The following MIDEAS variants were observed in gnomAD, a reference collection of about 807,000 sequenced individuals.
MIDEAS encodes the protein mitotic deacetylase-associated SANT domain protein.
A neutral mutation model predicts 102.7 loss-of-function variants in MIDEAS; 26 were observed. That is an observed-to-expected ratio of 0.25 (90% CI 0.19 to 0.35). The LOEUF (loss-of-function observed/expected upper bound fraction) is 0.35, where lower values mean the gene tolerates loss of function less well. Among genes scored for constraint, MIDEAS ranks in the 10% least tolerant of loss-of-function variants. The pLI is 1.00. For synonymous variants in MIDEAS, 585 were observed against 591.0 expected, an observed-to-expected ratio of 0.99 and a Z score of 0.15; for missense variants, 1,231 against 1,435.6, an observed-to-expected ratio of 0.86 and a Z score of 2.30.
At position 73,725,117 on chromosome 14, in the gene MIDEAS, C is replaced by T. The variant is rs535824210; in HGVS notation, c.2574+155G>A. ...CAAAAGGGAAAAGAGACCTATCTTTCTCTTTCTTGTATTGTTTAGGAAATT... is the reference window on the plus strand; with the variant it reads ...CAAAAGGGAAAAGAGACCTATCTTTTTCTTTCTTGTATTGTTTAGGAAATT... On this transcript the variant is annotated intron_variant, in intron 9 of 12. Transcript: ENST00000423556. This position sits in a 1 kb window ranked among gnomAD's most constrained non-coding sequence, Gnocchi z 4.1. 3.4e-5 allele frequency: 22 copies of T among 654,494 alleles called. No individual in the cohort carries two copies. The highest frequency in any genetic ancestry group is 7.8e-4 in the Middle Eastern group (2 of 2,552). The allele number at this position is 654,494 out of a possible 1,614,324, so 40.5% of individuals were successfully genotyped here. A position where few individuals can be genotyped will look rare whatever the true frequency, so the allele number is the denominator to read the frequency against.
At chr14:73,719,223 C>CCCCCGGCCCG in intron 12 of MIDEAS, 82 bp downstream of exon 12, 3 of 1,205,172 alleles carry the variant, frequency 2.5e-6, no homozygotes, top group Non-Finnish European at 3.4e-6. Flanking sequence ...TGTACCTCTT[C>CCCCCGGCCCG]CCCCTCCCCT....
At chr14:73,789,638 CT>C (rs2053850278), upstream of MIDEAS, among the ~76,000 whole-genome samples, 1 of 152,248 alleles carries the variant, frequency 6.6e-6, no homozygotes, top group African/African-American at 2.4e-5. Flanking sequence ...CCTGCACAGC[CT>C]TCCTGATAGA....
rs2053523549 is a variant in MIDEAS at position 73,759,102 on chromosome 14, C to G, written c.-248+661G>C. Among the ~76,000 whole-genome samples, 1 of 151,988 alleles carries G rather than the reference C, an allele frequency of 6.6e-6. No individual in the cohort carries two copies. The highest frequency in any genetic ancestry group is 2.4e-5 in the African/African-American group (1 of 41,402). On this transcript the variant is annotated intron_variant, in intron 1 of 12. Transcript: ENST00000423556. The surrounding 1 kb of genome is among the most constrained non-coding windows in gnomAD (Gnocchi z 6.7). ...GGGGGCGCGCGGGAGGATGACAGGT[C>G]TGAGGTGCGCCCGCCCGCGCGAAGC...
intron 1 of MIDEAS, among the ~76,000 whole-genome samples, chr14:73,768,909 G>A (rs538278377): frequency 7.5e-4 from 114 of 152,328 alleles, no homozygotes; most frequent in African/African-American, 2.6e-3. Flanking sequence ...AGGGAGGGTT[G>A]CTTAGGTGGG....
chr14:73,762,568 G>T (rs184270997), upstream of MIDEAS, among the ~76,000 whole-genome samples: 120 of 152,330 alleles, frequency 7.9e-4, no homozygotes, highest in African/African-American at 2.8e-3. Context: ...TCAAAAAGGC[G>T]GGCAGATGAG....
chr14:73,774,035 A>G (rs950671306), intron 1 of MIDEAS, among the ~76,000 whole-genome samples: 2 of 151,568 alleles, frequency 1.3e-5, no homozygotes, highest in South Asian at 2.1e-4. Flanking sequence ...AAAAAAAAAA[A>G]AAAGAAAAAA....
chr14:73,735,692 G>C (rs2053191273), intron 3 of MIDEAS, among the ~76,000 whole-genome samples: 1 of 152,204 alleles, frequency 6.6e-6, no homozygotes, highest in African/African-American at 2.4e-5. Context: ...CAAGATATCA[G>C]ACAAACCTGA....
At chr14:73,720,454 G>T (rs12590135) in intron 11 of MIDEAS, among the ~76,000 whole-genome samples, 8,464 of 151,946 alleles carry the variant, frequency 0.056, 228 homozygotes, top group East Asian at 0.13. Context: ...CACCTTGTTG[G>T]CCAGGCTGGT....
chr14:73,733,701 C>T (rs1458967611), intron 3 of MIDEAS, among the ~76,000 whole-genome samples: 1 of 152,170 alleles, frequency 6.6e-6, no homozygotes, highest in Non-Finnish European at 1.5e-5. Context: ...ATGTTTTCTT[C>T]TGTTTTTGTT....
chr14:73,754,414 T>C (rs2053456994), intron 1 of MIDEAS, among the ~76,000 whole-genome samples: 1 of 152,256 alleles, frequency 6.6e-6, no homozygotes, highest in African/African-American at 2.4e-5. Context: ...AGCTGAGGAC[T>C]GAGCCACACC....
upstream of MIDEAS, among the ~76,000 whole-genome samples, chr14:73,762,277 G>A (rs896541612): frequency 2.0e-5 from 3 of 152,190 alleles, no homozygotes; most frequent in Non-Finnish European, 4.4e-5. Context: ...CTGCCATCAT[G>A]GAGCCAGGGC....
intron 1 of MIDEAS, among the ~76,000 whole-genome samples, chr14:73,774,198 C>A (rs1304396535): frequency 6.6e-6 from 1 of 151,764 alleles, no homozygotes; most frequent in Non-Finnish European, 1.5e-5. Flanking sequence ...GCCTGCCAGG[C>A]TCCATTCACA....
intron 7 of MIDEAS, among the ~76,000 whole-genome samples, 159 bp from the exon 8 acceptor site, chr14:73,726,267 G>C (rs889914527): frequency 2.7e-5 from 3 of 111,590 alleles, no homozygotes; most frequent in African/African-American, 8.1e-5. Context: ...GAGATCACAG[G>C]GGGTGGGGCT....
intron 12 of MIDEAS, 78 bp downstream of exon 12, chr14:73,719,227 C>CGGGCCG: frequency 6.8e-7 from 1 of 1,469,014 alleles, no homozygotes; most frequent in Non-Finnish European, 9.0e-7. Flanking sequence ...CCTCTTCCCC[C>CGGGCCG]TCCCCTCCAC....
chr14:73,721,470 C>T lies in MIDEAS; in HGVS notation c.2764G>A (p.Glu922Lys), dbSNP rs2052991517. 1 of 1,614,168 alleles carries T rather than the reference C, an allele frequency of 6.2e-7. No individual in the cohort carries two copies. Among genetic ancestry groups the T allele is most frequent in the Non-Finnish European group, 8.5e-7 (1 of 1,180,038 alleles). The change falls in exon 11 of 13, where the codon GAG becomes AAG. Residue 922 changes from glutamate (E) to lysine (K), a missense_variant. Physicochemically the swap from Glu to Lys is moderately conservative, Grantham distance 56. This residue lies in a region of MIDEAS where 391 missense variants were observed against 483.0 expected (regional missense o/e 0.81). Transcript: ENST00000423556. ...KFPRVPLPRR[E>K]SPSEERLEPK... is the part of the protein sequence containing the mutation. ...TCCAGCCTCTCTTCACTTGGGGACTCTCTTCTGGGAAGAGGCACCCTTGGG... is the reference window on the plus strand; with the variant it reads ...TCCAGCCTCTCTTCACTTGGGGACTTTCTTCTGGGAAGAGGCACCCTTGGG...
chr14:73,756,416 A>G (rs1350621562), intron 1 of MIDEAS, among the ~76,000 whole-genome samples: 3 of 152,172 alleles, frequency 2.0e-5, no homozygotes. Flanking sequence ...GTCTCACAGT[A>G]TCCTGAATGT....
intron 9 of MIDEAS, chr14:73,723,319 TA>T (rs913570765): frequency 6.5e-6 from 1 of 154,372 alleles, no homozygotes; most frequent in African/African-American, 2.4e-5. Context: ...TAGTTTTTTT[TA>T]AATATTTTTA....
intron 1 of MIDEAS, among the ~76,000 whole-genome samples, chr14:73,757,769 C>A (rs1235597128): frequency 6.6e-6 from 1 of 152,208 alleles, no homozygotes. Flanking sequence ...CACAGGAGGC[C>A]CTCAGCTGAA....
chr14:73,770,357 G>C (rs1335994125), intron 1 of MIDEAS, among the ~76,000 whole-genome samples: 1 of 131,840 alleles, frequency 7.6e-6, no homozygotes, highest in African/African-American at 2.5e-5. Flanking sequence ...TGATGATGAT[G>C]ATGACGATGA....
Sources: allele counts gnomAD v4.1 joint callset (sites outside exome capture counted in the v4.1 genomes callset), GRCh38; gene constraint gnomAD v4.1.1; regional missense constraint gnomAD v4.1.1; non-coding constraint Gnocchi (gnomAD v3.1); transcripts MANE v1.5; gene names NCBI Gene and HGNC (gene_info 2026-07-23, HGNC 2026-07-21).